DLC1: variants seen among roughly 807,000 people sequenced by gnomAD.
DLC1 encodes DLC1 Rho GTPase activating protein.
In DLC1, 54 loss-of-function variants were observed where a neutral mutation model predicts 140.3. The ratio of observed to expected loss-of-function variants is 0.38; its 90% CI spans 0.31 to 0.48. The LOEUF (loss-of-function observed/expected upper bound fraction) is 0.48, where lower values mean the gene tolerates loss of function less well. Among genes scored for constraint, DLC1 ranks in the 20% least tolerant of loss-of-function variants. The probability of loss-of-function intolerance (pLI) is 0.96; values close to 1 mark genes in which losing one functional copy is unlikely to be tolerated. For missense variants in DLC1, 2,536 were observed against 1,907.0 expected (o/e 1.33, Z -6.14); for synonymous variants, 986 against 728.1 (o/e 1.35, Z -5.70).
rs185578108 is a variant in DLC1, at chr8:13,173,280, T to C, written c.1349-57623A>G. Among the ~76,000 whole-genome samples, 502 of 152,136 alleles carry C rather than the reference T, an allele frequency of 3.3e-3. 4 individuals are homozygous for C. The highest frequency in any genetic ancestry group is 0.011 in the African/African-American group (477 of 41,522). On this transcript the variant is annotated intron_variant, in intron 5 of 17. Coordinates refer to ENST00000276297, the MANE Select transcript of DLC1 (RefSeq NM_182643.3). ...GTGGGGTGGGAATTTAAGCTTTCTA[T>C]ATTTTCTTCATTTCGAGAGCAGTCT...
At chr8:13,321,075 G>A (rs12543930) in intron 4 of DLC1, among the ~76,000 whole-genome samples, 75,678 of 151,772 alleles carry the variant, frequency 0.5, 20,271 homozygotes, top group East Asian at 0.83. Context: ...TAAATTACTC[G>A]CCCTCAGGTA....
chr8:13,568,765 C>T (rs375592081), intron 1 of DLC1, among the ~76,000 whole-genome samples: 62 of 152,188 alleles, frequency 4.1e-4, no homozygotes, highest in African/African-American at 1.4e-3. Flanking sequence ...GGATAGTTGT[C>T]TAACCACATC....
rs2117404236 is a variant in DLC1 at position 13,568,576 on chromosome 8, G to GT, written c.-126+35960dup. On this transcript the variant is annotated intron_variant, in intron 1 of 1. Transcript: ENST00000631382. ...AAGTTGAAGCCGTAGATTGTCAAGC[G>GT]TTTTTGGAAATGAATAAGAAGAGAA... Among the ~76,000 whole-genome samples, 3 of 83,084 alleles carry GT rather than the reference G, an allele frequency of 3.6e-5. No individual in the cohort carries two copies. The South Asian group carries it at 1.4e-3, about 39-fold the overall frequency. The allele number at this position is 83,084 out of a possible 152,430, so 54.5% of individuals were successfully genotyped here.
At chr8:13,585,492 G>A (rs886598758) in intron 1 of DLC1, among the ~76,000 whole-genome samples, 2 of 152,154 alleles carry the variant, frequency 1.3e-5, no homozygotes, top group Admixed American at 6.5e-5. Flanking sequence ...AGCTTAAGTT[G>A]TACTTTGTAA....
chr8:13,457,431 C>G (rs920127218), intron 2 of DLC1, among the ~76,000 whole-genome samples: 1 of 152,052 alleles, frequency 6.6e-6, no homozygotes, highest in African/African-American at 2.4e-5. Flanking sequence ...GTAATCCCAG[C>G]ACTTTGAGAG....
Position 13,425,290 on chromosome 8 carries a change from A to G in DLC1, c.1024-23671T>C, listed in dbSNP as rs146861268. ...TTAGTGTTGAAACGTTGCCAGGAAC[A>G]CAGACAGCCCTGGAGGGTTAGTTGC... On this transcript the variant is annotated intron_variant, in intron 2 of 17. Transcript: ENST00000276297. Among the ~76,000 whole-genome samples the G allele has an allele frequency of 6.5e-3, 988 of 152,314 alleles. 13 individuals are homozygous for G. Among genetic ancestry groups the G allele is most frequent in the African/African-American group, 0.021 (868 of 41,562 alleles).
intron 5 of DLC1, among the ~76,000 whole-genome samples, chr8:13,286,028 T>C (rs1831524480): frequency 6.6e-6 from 1 of 152,176 alleles, no homozygotes; most frequent in African/African-American, 2.4e-5. Context: ...TGCAATACAG[T>C]GTTATTATCT....
At chr8:13,140,697 A>C (rs1309523903) in intron 5 of DLC1, among the ~76,000 whole-genome samples, 1 of 152,160 alleles carries the variant, frequency 6.6e-6, no homozygotes, top group Non-Finnish European at 1.5e-5. Context: ...AACAAGCTTC[A>C]AACAAAATTT....
chr8:13,596,494 G>A (rs1257704835), intron 1 of DLC1, among the ~76,000 whole-genome samples: 4 of 151,874 alleles, frequency 2.6e-5, no homozygotes, highest in Non-Finnish European at 5.9e-5. Flanking sequence ...CTTTCTTAAA[G>A]GTAACTGATG....
At chr8:13,572,095 A>ATT (rs3066468) in intron 1 of DLC1, among the ~76,000 whole-genome samples, 41,145 of 142,694 alleles carry the variant, frequency 0.29, 6,229 homozygotes, top group South Asian at 0.34. Context: ...ATTATTATTT[A>ATT]TTTTTTTTTT....
intron 2 of DLC1, among the ~76,000 whole-genome samples, chr8:13,411,462 A>G (rs886542916): frequency 6.6e-6 from 1 of 152,324 alleles, no homozygotes; most frequent in South Asian, 2.1e-4. Context: ...ATTATATATT[A>G]TTAGACACCT....
intron 5 of DLC1, among the ~76,000 whole-genome samples, chr8:13,168,537 T>C (rs551662408): frequency 1.1e-4 from 17 of 152,294 alleles, no homozygotes; most frequent in African/African-American, 3.6e-4. Context: ...ATACGTAGAT[T>C]AATGGTCAGG....
chr8:13,416,657 T>G (rs558415837), intron 2 of DLC1, among the ~76,000 whole-genome samples: 1 of 152,310 alleles, frequency 6.6e-6, no homozygotes, highest in African/African-American at 2.4e-5. Context: ...AATGTTCAGA[T>G]TCATAAACCC....
chr8:13,115,140 T>C (rs151313735), intron 6 of DLC1, among the ~76,000 whole-genome samples: 208 of 152,262 alleles, frequency 1.4e-3, no homozygotes, highest in African/African-American at 4.7e-3. Context: ...AATGGTGTAT[T>C]ACACAGCAGC....
intron 5 of DLC1, among the ~76,000 whole-genome samples, chr8:13,278,474 T>A (rs1345007636): frequency 6.6e-6 from 1 of 152,150 alleles, no homozygotes; most frequent in African/African-American, 2.4e-5. Context: ...GAATAAGACC[T>A]CAACTCTGTC....
intron 4 of DLC1, among the ~76,000 whole-genome samples, chr8:13,390,376 A>G (rs569330670): frequency 1.5e-3 from 224 of 152,288 alleles, no homozygotes; most frequent in African/African-American, 5.0e-3. Flanking sequence ...ATTGATGGGC[A>G]TTCGGGTTGG....
chr8:13,186,958 G>T (rs1826408152), intron 5 of DLC1, among the ~76,000 whole-genome samples: 2 of 152,168 alleles, frequency 1.3e-5, no homozygotes, highest in South Asian at 4.1e-4. Context: ...TCTAGACCCT[G>T]TTTGCCTGGG....
At position 13,132,165 on chromosome 8, in the gene DLC1, G is replaced by A. The variant is rs188648664; in HGVS notation, c.1349-16508C>T. 1.9e-3 allele frequency among the ~76,000 whole-genome samples: 288 copies of A among 151,946 alleles called. 1 individual carries two copies. The highest frequency in any genetic ancestry group is 6.1e-3 in the Admixed American group (93 of 15,260). ...GGCATCCCCAAGGGGGCATTTCAGG[G>A]ACACGATTCAGCGACCCATCTCCGG... On this transcript the variant is annotated intron_variant, in intron 5 of 17. Transcript: ENST00000276297.
At chr8:13,419,448 C>A (rs1419422821) in intron 2 of DLC1, among the ~76,000 whole-genome samples, 1 of 152,218 alleles carries the variant, frequency 6.6e-6, no homozygotes, top group African/African-American at 2.4e-5. Flanking sequence ...TGTCAAAGGC[C>A]TTTTCTGCAT....
Sources: gnomAD v4.1 joint callset for allele counts (sites outside exome capture counted in the v4.1 genomes callset) on GRCh38, gnomAD v4.1.1 for gene constraint, MANE v1.5 for transcripts, NCBI Gene and HGNC (gene_info 2026-07-23, HGNC 2026-07-21) for gene names.